RYR2: variants seen among roughly 807,000 people sequenced by gnomAD.
The protein encoded by RYR2 is cardiac muscle ryanodine receptor-calcium release channel.
Under a neutral mutation model 601.1 loss-of-function variants are expected in RYR2, and 227 were observed. That is an observed-to-expected ratio of 0.38 (90% CI 0.34 to 0.42). The LOEUF (loss-of-function observed/expected upper bound fraction) is 0.42. Among genes scored for constraint, RYR2 ranks in the 10% least tolerant of loss-of-function variants. RYR2 has a pLI of 1.00. For missense variants in RYR2, 4,646 were observed against 6,156.5 expected, an observed-to-expected ratio of 0.75 and a Z score of 8.21; for synonymous variants, 2,223 against 2,175.1, an observed-to-expected ratio of 1.02 and a Z score of -0.61.
intron 100 of RYR2, among the ~76,000 whole-genome samples, chr1:237,813,637 TG>T (rs1373731769): frequency 1.3e-5 from 2 of 152,190 alleles, no homozygotes; most frequent in East Asian, 3.9e-4. Flanking sequence ...TGCCTTCACC[TG>T]GTTGATTTTG....
At position 237,108,512 on chromosome 1, in the gene RYR2, C is replaced by T. The variant is rs139036661; in HGVS notation, c.48+65943C>T. On this transcript the variant is annotated intron_variant, in intron 1 of 104. Coordinates refer to ENST00000366574, the MANE Select transcript of RYR2 (RefSeq NM_001035.3). ...TGGAGCAGCAACAGAACCTTGCAGC[C>T]TGCAGAAGCTCACAACCAAAACAGA... is the stretch of plus-strand genomic sequence containing the variant. Among the ~76,000 whole-genome samples the T allele has an allele frequency of 1.4e-3, 220 of 152,348 alleles. 1 individual carries two copies. The highest frequency in any genetic ancestry group is 4.1e-3 in the East Asian group (21 of 5,182).
chr1:237,763,319 A>C (rs1320792794), intron 84 of RYR2, among the ~76,000 whole-genome samples: 1 of 152,116 alleles, frequency 6.6e-6, no homozygotes, highest in Admixed American at 6.5e-5. Context: ...CTGTGGCTTT[A>C]TGGCTGTACT....
At chr1:237,326,273 T>A (rs964146697) in intron 2 of RYR2, among the ~76,000 whole-genome samples, 5 of 146,320 alleles carry the variant, frequency 3.4e-5, no homozygotes, top group Admixed American at 1.4e-4. Flanking sequence ...AGTTTGTATT[T>A]AAAAAAAAAA....
chr1:237,804,046 A>G (rs1230040723), intron 98 of RYR2, among the ~76,000 whole-genome samples: 1 of 152,178 alleles, frequency 6.6e-6, no homozygotes, highest in Admixed American at 6.5e-5. Context: ...CTAAAATAAA[A>G]AAGAGACCAT....
intron 1 of RYR2, among the ~76,000 whole-genome samples, chr1:237,075,103 T>G (rs1289844869): frequency 3.9e-5 from 6 of 152,180 alleles, no homozygotes; most frequent in Non-Finnish European, 8.8e-5. Context: ...TGGATATCAC[T>G]GCGTGAATTT....
intron 1 of RYR2, among the ~76,000 whole-genome samples, chr1:237,045,845 TG>T (rs1660510918): frequency 6.8e-6 from 1 of 147,476 alleles, no homozygotes; most frequent in South Asian, 2.2e-4. Context: ...AGGAAAACCA[TG>T]GTATAAAATG....
At chr1:237,162,922 T>C (rs181766529) in intron 1 of RYR2, among the ~76,000 whole-genome samples, 1 of 152,064 alleles carries the variant, frequency 6.6e-6, no homozygotes, top group African/African-American at 2.4e-5. Flanking sequence ...AATCTGAGAC[T>C]CTCCAAGGGA....
intron 1 of RYR2, among the ~76,000 whole-genome samples, chr1:237,155,955 A>C (rs1454957410): frequency 6.6e-6 from 1 of 152,152 alleles, no homozygotes; most frequent in African/African-American, 2.4e-5. Flanking sequence ...TTATAGCCCT[A>C]ATCATGTGCT....
At chr1:237,176,470 G>T (rs1458920004) in intron 1 of RYR2, among the ~76,000 whole-genome samples, 2 of 151,336 alleles carry the variant, frequency 1.3e-5, no homozygotes, top group Non-Finnish European at 2.9e-5. Flanking sequence ...CACAAAAATG[G>T]CCAAAAGATG....
chr1:237,208,936 G>GTATATATA (rs56133827), intron 1 of RYR2, among the ~76,000 whole-genome samples: 7 of 89,870 alleles, frequency 7.8e-5, no homozygotes, highest in South Asian at 3.9e-4. Context: ...ATGTGTGTGT[G>GTATATATA]TATATATATA....
At chr1:237,188,323 C>CTGG (rs2148985845) in intron 1 of RYR2, among the ~76,000 whole-genome samples, 1 of 150,656 alleles carries the variant, frequency 6.6e-6, no homozygotes, top group South Asian at 2.1e-4. Flanking sequence ...GTTTTGTTGT[C>CTGG]TGGTGTAGAT....
intron 10 of RYR2, among the ~76,000 whole-genome samples, chr1:237,399,654 C>G (rs147282057): frequency 6.6e-6 from 1 of 152,152 alleles, no homozygotes; most frequent in Non-Finnish European, 1.5e-5. Context: ...TTATCCTTAA[C>G]GCAGCCCCTA....
intron 1 of RYR2, among the ~76,000 whole-genome samples, chr1:237,098,964 G>T (rs1203939980): frequency 6.6e-6 from 1 of 152,114 alleles, no homozygotes; most frequent in East Asian, 1.9e-4. Flanking sequence ...CCTCTGAATC[G>T]CATATGATGT....
At chr1:237,117,517 C>CT in intron 1 of RYR2, among the ~76,000 whole-genome samples, 1 of 152,244 alleles carries the variant, frequency 6.6e-6, no homozygotes, top group East Asian at 1.9e-4. Context: ...AATGAGGCTT[C>CT]ATGCCCTGGA....
Position 237,614,626 on chromosome 1 carries a change from T to A in RYR2, c.5498T>A (p.Ile1833Asn). 1 of 1,614,036 alleles carries A rather than the reference T, an allele frequency of 6.2e-7. No individual in the cohort carries two copies. The highest frequency in any genetic ancestry group is 1.7e-5 in the Admixed American group (1 of 60,024). The change falls in exon 37 of 105, where the codon ATC becomes AAC. Residue 1833 changes from isoleucine to asparagine, a missense_variant. Transcript: ENST00000366574. This position sits in a 1 kb window ranked among gnomAD's most constrained non-coding sequence, Gnocchi z 4.3. The stretch of plus-strand genomic sequence containing the variant: ...TTCTATACCCTGCTGATCATGGGCA[T>A]CTTTCACAACGAGGACTTGAAGCAC... Reference protein sequence around the residue: ...KLFYTLLIMGIFHNEDLKHIL... With the variant: ...KLFYTLLIMGNFHNEDLKHIL...
intron 2 of RYR2, among the ~76,000 whole-genome samples, chr1:237,307,174 G>A (rs1693961932): frequency 6.6e-6 from 1 of 152,156 alleles, no homozygotes; most frequent in African/African-American, 2.4e-5. Flanking sequence ...TGCACCTGGT[G>A]TATCAGAGAC....
chr1:237,727,763 A>G (rs975229005), intron 76 of RYR2, among the ~76,000 whole-genome samples: 6 of 152,176 alleles, frequency 3.9e-5, no homozygotes, highest in Admixed American at 2.6e-4. Flanking sequence ...TTATGGGAAT[A>G]ATGTAAAAAG....
At chr1:237,507,124 T>C (rs567726430) in intron 23 of RYR2, among the ~76,000 whole-genome samples, 1 of 152,362 alleles carries the variant, frequency 6.6e-6, no homozygotes, top group African/African-American at 2.4e-5. Context: ...CATTGATTTT[T>C]AAGCCACTTA....
chr1:237,792,398 C>CGT (rs71162418), intron 94 of RYR2, 75 bp downstream of exon 94: 20,942 of 488,342 alleles, frequency 0.043, 226 homozygotes, highest in Middle Eastern at 0.096. Context: ...TGTGTGTGTG[C>CGT]GTGTGTGTGT....
Sources: gnomAD v4.1 joint callset for allele counts (sites outside exome capture counted in the v4.1 genomes callset) on GRCh38, gnomAD v4.1.1 for gene constraint, Gnocchi (gnomAD v3.1) non-coding constraint, MANE v1.5 for transcripts, NCBI Gene and HGNC (gene_info 2026-07-23, HGNC 2026-07-21) for gene names.